RANBP2: variants seen among roughly 807,000 people sequenced by gnomAD.
The protein encoded by RANBP2 is RAN binding protein 2.
RANBP2 carries 57 observed loss-of-function variants against 303.6 expected under a neutral mutation model. That is an observed-to-expected ratio of 0.19 (90% CI 0.15 to 0.23). The LOEUF (loss-of-function observed/expected upper bound fraction) is 0.23, where lower values mean the gene tolerates loss of function less well. Among genes scored for constraint, RANBP2 ranks in the 10% least tolerant of loss-of-function variants. The probability of loss-of-function intolerance (pLI) is 1.00; values close to 1 mark genes in which losing one functional copy is unlikely to be tolerated. For synonymous variants in RANBP2, 1,167 were observed against 1,301.5 expected (o/e 0.90, Z 2.23); for missense variants, 3,138 against 3,780.8 (o/e 0.83, Z 4.46).
chr2:109,087,411 GC>G, the RANBP2 span, among the ~76,000 whole-genome samples: 1 of 152,144 alleles, frequency 6.6e-6, no homozygotes, highest in Non-Finnish European at 1.5e-5. Flanking sequence ...CAACGGACGC[GC>G]CTGAGGGTGA....
chr2:109,269,856 T>G, the RANBP2 span, among the ~76,000 whole-genome samples: 1 of 152,206 alleles, frequency 6.6e-6, no homozygotes, highest in African/African-American at 2.4e-5. Context: ...GTTCGTGTGC[T>G]CAGGCATTTG....
the RANBP2 span, chr2:109,574,672 G>A: frequency 1.2e-6 from 2 of 1,610,128 alleles, no homozygotes; most frequent in Admixed American, 3.4e-5. Flanking sequence ...ATGGATGCGA[G>A]AATCATGGTA....
the RANBP2 span, among the ~76,000 whole-genome samples, chr2:109,069,611 G>C: frequency 6.6e-6 from 1 of 152,262 alleles, no homozygotes; most frequent in South Asian, 2.1e-4. Context: ...CTTTGTTCCA[G>C]AACGTGGTTC....
chr2:109,167,429 C>A, the RANBP2 span, among the ~76,000 whole-genome samples: 3 of 152,128 alleles, frequency 2.0e-5, no homozygotes, highest in African/African-American at 7.2e-5. Context: ...TATATCCTGG[C>A]AAGGGGTGAT....
At chr2:108,773,403 G>A (rs1032134436) in intron 23 of RANBP2, among the ~76,000 whole-genome samples, 33 of 152,280 alleles carry the variant, frequency 2.2e-4, no homozygotes, top group African/African-American at 7.9e-4. Context: ...ATAATGGGTT[G>A]TGGCTACTAA....
At chr2:109,036,219 A>G in the RANBP2 span, among the ~76,000 whole-genome samples, 15 of 152,376 alleles carry the variant, frequency 9.8e-5, no homozygotes, top group Non-Finnish European at 1.8e-4. Context: ...AATTAAAGTT[A>G]TAAGCAAACG....
the RANBP2 span, among the ~76,000 whole-genome samples, chr2:108,974,351 A>AG: frequency 1.3e-5 from 2 of 150,992 alleles, no homozygotes; most frequent in African/African-American, 4.9e-5. Context: ...AAAAAAAAAA[A>AG]AAAGAAATGC....
chr2:109,093,397 G>A, the RANBP2 span, among the ~76,000 whole-genome samples: 9 of 138,714 alleles, frequency 6.5e-5, no homozygotes, highest in East Asian at 6.1e-4. Context: ...CCACGTTTGC[G>A]GAGATTTGTA....
At chr2:109,206,039 G>A in the RANBP2 span, among the ~76,000 whole-genome samples, 1 of 152,212 alleles carries the variant, frequency 6.6e-6, no homozygotes, top group Non-Finnish European at 1.5e-5. Context: ...ACTGTCACTT[G>A]TACCCTGAGA....
the RANBP2 span, among the ~76,000 whole-genome samples, chr2:108,851,655 G>T: frequency 6.6e-6 from 1 of 152,074 alleles, no homozygotes; most frequent in Non-Finnish European, 1.5e-5. Context: ...TGTCCACCAG[G>T]ATATAGGGCT....
the RANBP2 span, chr2:108,885,107 C>CT: frequency 1.6e-4 from 24 of 152,224 alleles, no homozygotes; most frequent in African/African-American, 5.8e-4. Flanking sequence ...TCCAGGTACT[C>CT]TGTAAGGGAG....
chr2:108,851,101 A>G, the RANBP2 span, among the ~76,000 whole-genome samples: 2 of 152,052 alleles, frequency 1.3e-5, no homozygotes, highest in Non-Finnish European at 2.9e-5. Flanking sequence ...TAGCTCATAG[A>G]ACTCAGCGAA....
chr2:109,595,241 G>C, the RANBP2 span, among the ~76,000 whole-genome samples: 1 of 152,192 alleles, frequency 6.6e-6, no homozygotes, highest in Non-Finnish European at 1.5e-5. Flanking sequence ...TTGTCAGTTG[G>C]AAGATGCTCC....
chr2:109,003,385 G>C, the RANBP2 span, among the ~76,000 whole-genome samples: 1 of 151,798 alleles, frequency 6.6e-6, no homozygotes, highest in Non-Finnish European at 1.5e-5. Context: ...ATGATGGACG[G>C]TTGTTGCCAT....
the RANBP2 span, among the ~76,000 whole-genome samples, chr2:108,848,458 T>C: frequency 6.6e-6 from 1 of 152,154 alleles, no homozygotes; most frequent in Non-Finnish European, 1.5e-5. Context: ...CATAAGAATA[T>C]GGATAAATAA....
At chr2:108,921,074 C>A in the RANBP2 span, among the ~76,000 whole-genome samples, 1 of 152,208 alleles carries the variant, frequency 6.6e-6, no homozygotes, top group Non-Finnish European at 1.5e-5. Flanking sequence ...TCATAAGAAA[C>A]CCCCAGGGTG....
At chr2:109,715,476 G>A in the RANBP2 span, among the ~76,000 whole-genome samples, 3 of 152,126 alleles carry the variant, frequency 2.0e-5, no homozygotes, top group Non-Finnish European at 4.4e-5. Context: ...TGTAAAGGAC[G>A]TTACAAAGGA....
chr2:109,544,119 G>T, the RANBP2 span: 2 of 1,515,996 alleles, frequency 1.3e-6, no homozygotes, highest in Non-Finnish European at 1.8e-6. Flanking sequence ...TCAACTTGTA[G>T]TATCATTCAC....
chr2:108,754,944 T>A lies in RANBP2; in HGVS notation c.2242T>A (p.Ser748Thr). ...PLESVKEMLN[S>T]VMQELEDYSE... ...GGAGTCTGTAAAAGAGATGCTTAAT[T>A]CAGTCATGCAGGAACTCGAAGACTA... Residue 748 changes from serine to threonine, a missense_variant, in exon 16 of 29, where the codon TCA (serine) becomes ACA (threonine). Ser to Thr is a moderately conservative substitution (Grantham distance 58). Coordinates refer to ENST00000283195, the MANE Select transcript of RANBP2 (RefSeq NM_006267.5). The A allele has an allele frequency of 6.2e-7, 1 of 1,611,880 alleles. No homozygotes were observed. Among genetic ancestry groups the A allele is most frequent in the Non-Finnish European group, 8.5e-7 (1 of 1,179,806 alleles).
Sources: gnomAD v4.1 joint callset for allele counts (sites outside exome capture counted in the v4.1 genomes callset) on GRCh38, gnomAD v4.1.1 for gene constraint, MANE v1.5 for transcripts, NCBI Gene and HGNC (gene_info 2026-07-23, HGNC 2026-07-21) for gene names.